NUP155: variants seen among roughly 807,000 people sequenced by gnomAD.
The protein encoded by NUP155 is nucleoporin 155.
Under a neutral mutation model 180.4 loss-of-function variants are expected in NUP155, and 71 were observed. That is an observed-to-expected ratio of 0.39 (90% CI 0.33 to 0.48). The LOEUF (loss-of-function observed/expected upper bound fraction) is 0.48, where lower values mean the gene tolerates loss of function less well. NUP155 is among the 20% of genes least tolerant of loss of function. NUP155 has a pLI of 0.91. For missense variants in NUP155, 1,553 were observed against 1,648.9 expected (o/e 0.94, Z 1.01); for synonymous variants, 582 against 559.5 (o/e 1.04, Z -0.57).
chr5:37,348,734 A>C (rs1746265720), intron 8 of NUP155, 138 bp from the exon 9 acceptor site: 2 of 679,048 alleles, frequency 2.9e-6, no homozygotes, highest in Admixed American at 2.3e-5. Flanking sequence ...TTTCATAGAA[A>C]GGGGACCCTT....
rs192508480 is a variant in NUP155, at chr5:37,293,862, G to A, written c.3930+467C>T. On this transcript the variant is annotated intron_variant, in intron 33 of 34. Coordinates refer to ENST00000231498, the MANE Select transcript of NUP155 (RefSeq NM_153485.3). Reference sequence around the variant, plus strand: ...AAAATACAAAAAATTAGCCGGGCGCGGTGGCGGGCGCCTGTAGTCCCAGCT... The same window carrying A: ...AAAATACAAAAAATTAGCCGGGCGCAGTGGCGGGCGCCTGTAGTCCCAGCT... Among the ~76,000 whole-genome samples, 744 of 111,080 alleles carry A rather than the reference G, an allele frequency of 6.7e-3. 108 individuals are homozygous for A. In the East Asian group the frequency reaches 0.13, roughly 19 times the overall value. The allele number at this position is 111,080 out of a possible 152,430, so 72.9% of individuals were successfully genotyped here.
At position 37,317,126 on chromosome 5, in the gene NUP155, G is replaced by A. The variant is rs1230612076; in HGVS notation, c.2305+862C>T. Among the ~76,000 whole-genome samples, 68 of 151,756 alleles carry A rather than the reference G, an allele frequency of 4.5e-4. 1 individual carries two copies. Among genetic ancestry groups the A allele is most frequent in the Non-Finnish European group, 8.8e-5 (6 of 67,952 alleles). ...GGAGCTTGCAGTGAGCCGAGATCAT[G>A]CCACTGCACTCCAGCCTGGGCGACA... On this transcript the variant is annotated intron_variant, in intron 21 of 34. Coordinates refer to ENST00000231498, the MANE Select transcript of NUP155 (RefSeq NM_153485.3).
chr5:37,366,538 A>G (rs1043177322), intron 1 of NUP155, among the ~76,000 whole-genome samples: 2 of 152,190 alleles, frequency 1.3e-5, no homozygotes, highest in African/African-American at 4.8e-5. Flanking sequence ...TCCCTGGTTC[A>G]AGGGATTCTC....
intron 33 of NUP155, among the ~76,000 whole-genome samples, chr5:37,294,005 C>A (rs1439021883): frequency 1.1e-3 from 42 of 37,238 alleles, no homozygotes; most frequent in East Asian, 5.1e-3. Context: ...GACGCCGTCT[C>A]AAAAAAAAAA....
chr5:37,318,688 A>T (rs1483592885), intron 20 of NUP155, among the ~76,000 whole-genome samples: 2 of 152,202 alleles, frequency 1.3e-5, no homozygotes, highest in East Asian at 3.8e-4. Context: ...CGGATAAGGG[A>T]TATTCAATGT....
At chr5:37,364,148 A>G (rs1043519407) in intron 2 of NUP155, 99 bp downstream of exon 2, 100 of 1,165,586 alleles carry the variant, frequency 8.6e-5, no homozygotes, top group Non-Finnish European at 1.1e-4. Flanking sequence ...AAACCCTTAA[A>G]TGAATATATA....
rs145824653 is a variant in NUP155 at position 37,341,085 on chromosome 5, C to G, written c.1246+5G>C. ...TCTTAAATCTGATAGTATTTCAGAA[C>G]TTACCTTTACTATAAAGAGCTCTAT... On this transcript the variant is annotated splice_donor_5th_base_variant and intron_variant, in intron 11 of 34. Transcript: ENST00000231498. 873 of 1,603,292 alleles carry G rather than the reference C, an allele frequency of 5.4e-4. 1 individual carries two copies. The East Asian group carries it at 0.011, about 21-fold the overall frequency.
At chr5:37,331,886 A>T (rs1744986675) in intron 13 of NUP155, 91 bp from the exon 14 acceptor site, 1 of 822,670 alleles carries the variant, frequency 1.2e-6, no homozygotes, top group African/African-American at 1.7e-5. Context: ...AATAAATGAA[A>T]CAAACAAAAA....
In NUP155 at chr5:37,288,774, G is replaced by T. The variant is rs549532264; in HGVS notation, c.*3126C>A. ...AAAAAAAAAAAAAAAAAAAAGTAGG[G>T]GGGGTGGGGCTAGGCGCAGTGGCTC... On this transcript the variant is annotated 3_prime_UTR_variant, in exon 35 of 35. Transcript: ENST00000231498. 3.5e-4 allele frequency: 45 copies of T among 129,942 alleles called. No homozygotes were observed. The highest frequency in any genetic ancestry group is 1.1e-3 in the African/African-American group (40 of 37,650). 8.0% of individuals were successfully genotyped at this position (129,942 alleles called of 1,614,324 possible).
rs943768704 is a variant in NUP155, at chr5:37,291,150, C to A, written c.*750G>T. 9 of 152,150 alleles carry A rather than the reference C, an allele frequency of 5.9e-5. No individual in the cohort carries two copies. The highest frequency in any genetic ancestry group is 2.2e-4 in the African/African-American group (9 of 41,430). The allele number at this position is 152,150 out of a possible 1,614,324, so 9.4% of individuals were successfully genotyped here. A position where few individuals can be genotyped will look rare whatever the true frequency, so the allele number is the denominator to read the frequency against. ...AGTTCTTTCAAGGGTGAACCCAACA[C>A]CTAAAAAAAGTTTTGAAAAAGTCAG... is the stretch of plus-strand genomic sequence containing the variant. On this transcript the variant is annotated 3_prime_UTR_variant, in exon 35 of 35. Coordinates refer to ENST00000231498, the MANE Select transcript of NUP155 (RefSeq NM_153485.3).
In NUP155 at chr5:37,364,298, T is replaced by A; in HGVS notation, c.244A>T (p.Ser82Cys). 6.2e-7 allele frequency: 1 copy of A among 1,612,836 alleles called. No homozygotes were observed. Among genetic ancestry groups the A allele is most frequent in the Non-Finnish European group, 8.5e-7 (1 of 1,178,830 alleles). Reference protein sequence around the residue: ...LLSVPNLPEISSIRRVPLPPE... With the variant: ...LLSVPNLPEICSIRRVPLPPE... ...GGGAGAGGAACTCTTCGGATGGAAC[T>A]GATCTCTGGAAGGTTGGGTACGGAC... Residue 82 changes from serine (S) to cysteine (C), a missense_variant, in exon 2 of 35, where the codon AGT (serine) becomes TGT (cysteine). Transcript: ENST00000231498.
chr5:37,314,071 C>T, intron 22 of NUP155, 127 bp downstream of exon 22: 1 of 719,804 alleles, frequency 1.4e-6, no homozygotes, highest in Non-Finnish European at 2.3e-6. Flanking sequence ...GCCATCTTCC[C>T]ATAACATACT....
chr5:37,298,929 A>G lies in NUP155; in HGVS notation c.3732T>C (p.Leu1244=). Residue 1244 remains leucine, a synonymous_variant, in exon 32 of 35, where the codon CTT becomes CTC. Transcript: ENST00000231498. ...TLSSSDRMHA[L]SLKIVLLGKI... is the part of the protein sequence containing the mutation. The stretch of plus-strand genomic sequence containing the variant: ...TGCCAAGGAGAACAATCTTGAGACT[A>G]AGAGCATGCATTCTATCCGAGGAGC... 1 of 1,613,474 alleles carries G rather than the reference A, an allele frequency of 6.2e-7. No homozygotes were observed. Among genetic ancestry groups the G allele is most frequent in the African/African-American group, 1.3e-5 (1 of 75,030 alleles).
chr5:37,307,951 AAAT>A (rs149158866), intron 24 of NUP155, among the ~76,000 whole-genome samples: 22,622 of 107,708 alleles, frequency 0.21, 2,042 homozygotes, highest in East Asian at 0.35. Flanking sequence ...GGAAAAAAAA[AAAT>A]ATATATATAT....
intron 4 of NUP155, among the ~76,000 whole-genome samples, chr5:37,357,490 A>T (rs550026247): frequency 1.3e-5 from 2 of 151,996 alleles, no homozygotes; most frequent in East Asian, 3.9e-4. Context: ...TCAGCAATTA[A>T]TGAAAAATCT....
At chr5:37,314,058 T>A in intron 22 of NUP155, 140 bp downstream of exon 22, 1 of 647,326 alleles carries the variant, frequency 1.5e-6, no homozygotes, top group Non-Finnish European at 2.6e-6. Flanking sequence ...ACGCTTTTTT[T>A]GTGCCATCTT....
At chr5:37,363,473 G>A (rs952925056) in intron 3 of NUP155, among the ~76,000 whole-genome samples, 5 of 151,986 alleles carry the variant, frequency 3.3e-5, no homozygotes, top group African/African-American at 9.7e-5. Context: ...ATTTACACAC[G>A]GGTCAAATTC....
intron 3 of NUP155, among the ~76,000 whole-genome samples, chr5:37,361,581 T>G (rs575719479): frequency 4.9e-4 from 74 of 152,298 alleles, no homozygotes; most frequent in African/African-American, 1.6e-3. Context: ...CACAGCCTCT[T>G]GGAACTACGA....
At chr5:37,303,478 G>A (rs1404374842) in intron 27 of NUP155, 64 bp from the exon 28 acceptor site, 1 of 1,357,120 alleles carries the variant, frequency 7.4e-7, no homozygotes, top group Non-Finnish European at 1.0e-6. Flanking sequence ...TCCTGATAAG[G>A]AAAATATAGT....
Sources: allele counts gnomAD v4.1 joint callset (sites outside exome capture counted in the v4.1 genomes callset), GRCh38; gene constraint gnomAD v4.1.1; transcripts MANE v1.5; gene names NCBI Gene and HGNC (gene_info 2026-07-23, HGNC 2026-07-21).